The following RNF169 variants were observed in gnomAD, a reference collection of about 807,000 sequenced individuals.
The protein encoded by RNF169 is E3 ubiquitin-protein ligase RNF169.
In RNF169, 24 loss-of-function variants were observed where a neutral mutation model predicts 53.9. That is an observed-to-expected ratio of 0.45 (90% CI 0.32 to 0.63). RNF169 has a LOEUF of 0.63. Ranked by LOEUF, RNF169 falls within the 20% of genes least tolerant of loss-of-function variation. The pLI is 0.04. For synonymous variants in RNF169, 396 were observed against 363.5 expected (o/e 1.09, Z -1.02); for missense variants, 883 against 906.2 (o/e 0.97, Z 0.33).
chr11:74,832,224 G>T (rs2135149866), intron 4 of RNF169: 1 of 152,092 alleles, frequency 6.6e-6, no homozygotes, highest in East Asian at 1.9e-4. Flanking sequence ...GGTCAAATAT[G>T]AATAGGAGAG....
intron 1 of RNF169, among the ~76,000 whole-genome samples, chr11:74,787,560 G>A (rs922147026): frequency 6.6e-6 from 1 of 152,154 alleles, no homozygotes; most frequent in Non-Finnish European, 1.5e-5. Context: ...TCTTGAGGCT[G>A]GGAGTTTGAG....
intron 5 of RNF169, among the ~76,000 whole-genome samples, chr11:74,835,256 G>T (rs1048222538): frequency 1.3e-5 from 2 of 152,124 alleles, no homozygotes; most frequent in African/African-American, 2.4e-5. Context: ...ACAGCACTTT[G>T]GGAGGTATAA....
At chr11:74,793,486 C>T (rs1311003528) in intron 2 of RNF169, among the ~76,000 whole-genome samples, 1 of 152,222 alleles carries the variant, frequency 6.6e-6, no homozygotes, top group African/African-American at 2.4e-5. Context: ...TTTTATTCCT[C>T]TAATTCTAGT....
At chr11:74,813,863 T>C (rs2035906799) in intron 3 of RNF169, among the ~76,000 whole-genome samples, 1 of 152,136 alleles carries the variant, frequency 6.6e-6, no homozygotes, top group African/African-American at 2.4e-5. Context: ...GTTAATCTTT[T>C]GTATTTTTAG....
In RNF169 at chr11:74,836,523, G is replaced by A; in HGVS notation, c.1920G>A (p.Leu640=). Residue 640 remains leucine (L), a synonymous_variant, in exon 6 of 6, where the codon CTG becomes CTA. Coordinates refer to ENST00000299563, the MANE Select transcript of RNF169 (RefSeq NM_001098638.2). ...AACAAAATGGCTCCCTTAAAAAACTGCGACAAACCAGTGGGGAGGTGGGTC... is the reference window on the plus strand; with the variant it reads ...AACAAAATGGCTCCCTTAAAAAACTACGACAAACCAGTGGGGAGGTGGGTC... The part of the protein sequence containing the change: ...HLEQNGSLKK[L]RQTSGEVGLA... The A allele has an allele frequency of 6.2e-7, 1 of 1,614,136 alleles. No homozygotes were observed. Among genetic ancestry groups the A allele is most frequent in the South Asian group, 1.1e-5 (1 of 91,084 alleles).
intron 2 of RNF169, among the ~76,000 whole-genome samples, chr11:74,795,878 CA>C (rs1190055371): frequency 1.3e-5 from 2 of 152,084 alleles, no homozygotes; most frequent in Non-Finnish European, 2.9e-5. Context: ...AAAAATAAAG[CA>C]GACATGGTTT....
At chr11:74,755,220 TTTTAA>T (rs1280860746) in intron 1 of RNF169, among the ~76,000 whole-genome samples, 11 of 152,228 alleles carry the variant, frequency 7.2e-5, no homozygotes, top group Admixed American at 4.6e-4. Flanking sequence ...CTAAGATGTT[TTTTAA>T]AGCTCTTGAT....
intron 4 of RNF169, among the ~76,000 whole-genome samples, chr11:74,821,007 T>G (rs1245789128): frequency 6.6e-6 from 1 of 152,208 alleles, no homozygotes; most frequent in Non-Finnish European, 1.5e-5. Flanking sequence ...AGAGGTTAAG[T>G]GACTCACCCA....
Position 74,840,337 on chromosome 11 carries a change from C to G in RNF169, c.*3607C>G, listed in dbSNP as rs1338992126. The G allele has an allele frequency of 6.6e-6, 1 of 152,216 alleles. No homozygotes were observed. Among genetic ancestry groups the G allele is most frequent in the Admixed American group, 6.5e-5 (1 of 15,284 alleles). The allele number at this position is 152,216 out of a possible 1,614,324, so 9.4% of individuals were successfully genotyped here. Reference sequence around the variant, plus strand: ...GCCATTTCTGGTCCCATTTAGAAAACTGACCAGCACCCAGCAAGCTGCATT... The same window carrying G: ...GCCATTTCTGGTCCCATTTAGAAAAGTGACCAGCACCCAGCAAGCTGCATT... On this transcript the variant is annotated 3_prime_UTR_variant, in exon 6 of 6. Coordinates refer to ENST00000299563, the MANE Select transcript of RNF169 (RefSeq NM_001098638.2).
At chr11:74,764,115 A>G (rs975673121) in intron 1 of RNF169, among the ~76,000 whole-genome samples, 1 of 152,258 alleles carries the variant, frequency 6.6e-6, no homozygotes, top group Non-Finnish European at 1.5e-5. Context: ...CCAAAAATGA[A>G]AGACAGAGGA....
At chr11:74,811,636 T>G (rs1273305158) in intron 3 of RNF169, among the ~76,000 whole-genome samples, 2 of 152,188 alleles carry the variant, frequency 1.3e-5, no homozygotes, top group African/African-American at 4.8e-5. Context: ...CATGTGCAGC[T>G]TCTGATTCTA....
chr11:74,817,632 C>T lies in RNF169; in HGVS notation c.760C>T (p.Pro254Ser), dbSNP rs1171616110. The T allele has an allele frequency of 6.2e-7, 1 of 1,613,840 alleles. No individual in the cohort carries two copies. The highest frequency in any genetic ancestry group is 1.3e-5 in the African/African-American group (1 of 74,916). Residue 254 changes from proline (P) to serine (S), a missense_variant, in exon 4 of 6, where the codon CCT becomes TCT. Physicochemically the swap from Pro to Ser is moderately conservative, Grantham distance 74. Coordinates refer to ENST00000299563, the MANE Select transcript of RNF169 (RefSeq NM_001098638.2). ...TCTCTCAGATTCAGAGAATGAAGAA[C>T]CTTCTCGAGGCCAGATGACACAGAC... Reference protein sequence around the residue: ...ARLSDSENEEPSRGQMTQTHR... With the variant: ...ARLSDSENEESSRGQMTQTHR...
At chr11:74,825,222 A>G (rs59856454) in intron 4 of RNF169, among the ~76,000 whole-genome samples, 3,534 of 152,328 alleles carry the variant, frequency 0.023, 152 homozygotes, top group African/African-American at 0.081. Flanking sequence ...AACAAGTCTC[A>G]ATATATTTTA....
chr11:74,822,978 G>A (rs1252954824), intron 4 of RNF169, among the ~76,000 whole-genome samples: 1 of 152,060 alleles, frequency 6.6e-6, no homozygotes, highest in African/African-American at 2.4e-5. Flanking sequence ...TTTTTTTAGT[G>A]AGATTATTGT....
intron 3 of RNF169, among the ~76,000 whole-genome samples, chr11:74,813,720 G>A (rs1324502342): frequency 6.6e-6 from 1 of 151,994 alleles, no homozygotes; most frequent in Non-Finnish European, 1.5e-5. Context: ...ACGGAGTCTC[G>A]CTCTGTCGCC....
chr11:74,773,450 G>A (rs2035288000), intron 1 of RNF169, among the ~76,000 whole-genome samples: 1 of 152,268 alleles, frequency 6.6e-6, no homozygotes, highest in African/African-American at 2.4e-5. Context: ...AAAATAAGAT[G>A]ATAATTGTAT....
intron 3 of RNF169, among the ~76,000 whole-genome samples, chr11:74,815,239 T>A (rs1465480184): frequency 6.6e-6 from 1 of 152,182 alleles, no homozygotes; most frequent in Non-Finnish European, 1.5e-5. Context: ...ATATTTGTAA[T>A]GTAGTTTATT....
chr11:74,825,806 C>A (rs532540961), intron 4 of RNF169, among the ~76,000 whole-genome samples: 1 of 152,156 alleles, frequency 6.6e-6, no homozygotes, highest in African/African-American at 2.4e-5. Context: ...CTGTCATGAC[C>A]AAGTAGGCTC....
At chr11:74,810,725 T>C (rs1213762811) in intron 3 of RNF169, among the ~76,000 whole-genome samples, 1 of 152,224 alleles carries the variant, frequency 6.6e-6, no homozygotes, top group Non-Finnish European at 1.5e-5. Flanking sequence ...TTTGTTGTAA[T>C]ACCCTAAGCA....
Sources: allele counts gnomAD v4.1 joint callset (sites outside exome capture counted in the v4.1 genomes callset), GRCh38; gene constraint gnomAD v4.1.1; transcripts MANE v1.5; gene names NCBI Gene and HGNC (gene_info 2026-07-23, HGNC 2026-07-21).